SCHIP1: variants seen among roughly 807,000 people sequenced by gnomAD.
SCHIP1 encodes schwannomin interacting protein 1, also known as schwannomin-interacting protein 1.
SCHIP1 carries 8 observed loss-of-function variants against 29.7 expected under a neutral mutation model. The observed-to-expected ratio is 0.27, with a 90% CI of 0.16 to 0.49. SCHIP1 has a LOEUF of 0.49. Among genes scored for constraint, SCHIP1 ranks in the 20% least tolerant of loss-of-function variants. SCHIP1 has a pLI of 0.99. For synonymous variants in SCHIP1, 76 were observed against 94.9 expected (o/e 0.80, Z 1.16); for missense variants, 193 against 294.6 (o/e 0.66, Z 2.52).
At chr3:159,515,870 CA>C in the SCHIP1 span, among the ~76,000 whole-genome samples, 1 of 151,864 alleles carries the variant, frequency 6.6e-6, no homozygotes, top group Admixed American at 6.6e-5. Context: ...CCTGGTCTCA[CA>C]AAGCTTGAAT....
At chr3:159,439,450 T>C in the SCHIP1 span, among the ~76,000 whole-genome samples, 1 of 152,060 alleles carries the variant, frequency 6.6e-6, no homozygotes, top group East Asian at 1.9e-4. Context: ...TCACTCACTA[T>C]CACAAAAACA....
At chr3:159,679,315 G>A in the SCHIP1 span, among the ~76,000 whole-genome samples, 1 of 152,242 alleles carries the variant, frequency 6.6e-6, no homozygotes, top group Admixed American at 6.5e-5. Context: ...AACAAGGAAG[G>A]AAATTAATTT....
the SCHIP1 span, among the ~76,000 whole-genome samples, chr3:159,395,300 T>A: frequency 6.6e-6 from 1 of 152,192 alleles, no homozygotes; most frequent in Non-Finnish European, 1.5e-5. Context: ...TTTGAAGGGT[T>A]TTTTGTGTCT....
chr3:159,590,353 A>C, the SCHIP1 span, among the ~76,000 whole-genome samples: 8 of 152,148 alleles, frequency 5.3e-5, no homozygotes, highest in African/African-American at 1.9e-4. Context: ...AGGTGGGAGG[A>C]ACACTTGAGG....
chr3:159,759,971 C>T, the SCHIP1 span, among the ~76,000 whole-genome samples: 1 of 150,744 alleles, frequency 6.6e-6, no homozygotes, highest in African/African-American at 2.4e-5. Flanking sequence ...CCCTGAGGAA[C>T]ATGATCTTCT....
At chr3:159,542,229 G>A in the SCHIP1 span, among the ~76,000 whole-genome samples, 82 of 151,996 alleles carry the variant, frequency 5.4e-4, 1 homozygote, top group Admixed American at 1.8e-3. Flanking sequence ...CAGCATTGTC[G>A]AGGTGTAATT....
chr3:159,488,542 G>A, the SCHIP1 span, among the ~76,000 whole-genome samples: 1 of 152,140 alleles, frequency 6.6e-6, no homozygotes, highest in Non-Finnish European at 1.5e-5. Context: ...TGGGGACAGA[G>A]GGAAAGGTCT....
At chr3:159,545,479 G>A in the SCHIP1 span, among the ~76,000 whole-genome samples, 1 of 151,630 alleles carries the variant, frequency 6.6e-6, no homozygotes, top group African/African-American at 2.4e-5. Flanking sequence ...CTTCAGTTTT[G>A]GAACCTGGAC....
chr3:159,674,882 T>A, the SCHIP1 span, among the ~76,000 whole-genome samples: 2 of 152,156 alleles, frequency 1.3e-5, no homozygotes, highest in Non-Finnish European at 2.9e-5. Flanking sequence ...GGAGAGATGG[T>A]GAAGAGCCCT....
At chr3:159,618,234 G>A in the SCHIP1 span, among the ~76,000 whole-genome samples, 1 of 152,114 alleles carries the variant, frequency 6.6e-6, no homozygotes, top group Non-Finnish European at 1.5e-5. Context: ...ATATGGAGAA[G>A]GAAAATACTA....
the SCHIP1 span, among the ~76,000 whole-genome samples, chr3:159,526,545 T>C: frequency 2.0e-5 from 3 of 152,190 alleles, no homozygotes; most frequent in African/African-American, 7.2e-5. Flanking sequence ...CCTAGGTCTT[T>C]ATTTGGTTTC....
At chr3:159,677,644 T>A in the SCHIP1 span, among the ~76,000 whole-genome samples, 1 of 152,182 alleles carries the variant, frequency 6.6e-6, no homozygotes, top group Non-Finnish European at 1.5e-5. Context: ...TGAACCTCCA[T>A]CTGTACCCCT....
At chr3:159,815,861 T>C in the SCHIP1 span, among the ~76,000 whole-genome samples, 1 of 152,134 alleles carries the variant, frequency 6.6e-6, no homozygotes, top group African/African-American at 2.4e-5. Flanking sequence ...CCCCTTCCCA[T>C]CCCAGATGCC....
chr3:159,345,826 G>A, the SCHIP1 span, among the ~76,000 whole-genome samples: 1 of 152,134 alleles, frequency 6.6e-6, no homozygotes, highest in African/African-American at 2.4e-5. Context: ...ACATCCCAGG[G>A]CCACTAAGAG....
intron 2 of SCHIP1, among the ~76,000 whole-genome samples, chr3:159,883,312 C>G (rs1021117524): frequency 1.3e-5 from 2 of 152,068 alleles, no homozygotes; most frequent in African/African-American, 4.8e-5. Flanking sequence ...ACCCTGCAGC[C>G]TGAATTTTGC....
chr3:159,324,214 T>C, the SCHIP1 span, among the ~76,000 whole-genome samples: 6 of 150,678 alleles, frequency 4.0e-5, no homozygotes, highest in African/African-American at 1.5e-4. Context: ...AATATATTTG[T>C]ATATATTTAA....
the SCHIP1 span, among the ~76,000 whole-genome samples, chr3:159,553,863 C>T: frequency 1.3e-5 from 2 of 152,080 alleles, no homozygotes; most frequent in Non-Finnish European, 2.9e-5. Flanking sequence ...TGCAGTGGTG[C>T]AATCTCAGCT....
the SCHIP1 span, among the ~76,000 whole-genome samples, chr3:159,767,010 C>T: frequency 2.0e-5 from 3 of 152,174 alleles, no homozygotes; most frequent in Admixed American, 1.3e-4. Context: ...TTCCAGCTTT[C>T]CTGGAAATGC....
At chr3:159,578,276 G>A in the SCHIP1 span, among the ~76,000 whole-genome samples, 13 of 152,254 alleles carry the variant, frequency 8.5e-5, no homozygotes, top group African/African-American at 1.7e-4. Flanking sequence ...TCCAGATTGC[G>A]AGGCACTATA....
Sources: gnomAD v4.1 joint callset for allele counts (sites outside exome capture counted in the v4.1 genomes callset) on GRCh38, gnomAD v4.1.1 for gene constraint, MANE v1.5 for transcripts, NCBI Gene and HGNC (gene_info 2026-07-23, HGNC 2026-07-21) for gene names.